Variants in TUB observed in about 807,000 individuals in gnomAD.
TUB encodes tubby protein homolog.
A neutral mutation model predicts 59.7 loss-of-function variants in TUB; 33 were observed. The observed-to-expected ratio is 0.55, with a 90% CI of 0.42 to 0.74. TUB has a LOEUF of 0.74. Among genes scored for constraint, TUB ranks in the 30% least tolerant of loss-of-function variants. The pLI is 0.00. For synonymous variants in TUB, 293 were observed against 256.4 expected (o/e 1.14, Z -1.36); for missense variants, 659 against 672.0 (o/e 0.98, Z 0.21).
chr11:8,054,446 GAGAGAGAGAGAGAGAGAGAGAC>G (rs1386547426), intron 2 of TUB, among the ~76,000 whole-genome samples: 16 of 147,372 alleles, frequency 1.1e-4, no homozygotes, highest in East Asian at 7.9e-4. Context: ...GCAAGGGCTG[GAGAGAGAGAGAGAGAGAGAGAC>G]AGAGAGAGAG....
At position 8,039,045 on chromosome 11, in the gene TUB, C is replaced by T. The variant is rs760350717; in HGVS notation, c.155+17C>T. 5.6e-6 allele frequency: 9 copies of T among 1,610,516 alleles called. No homozygotes were observed. In the South Asian group the frequency reaches 8.8e-5, roughly 16 times the overall value. ...AAGAGATCGGTAAGCTTTCAACATC[C>T]TGCCTTTAGCCCATGGGCCCAACCA... On this transcript the variant is annotated intron_variant, in intron 1 of 12. Transcript: ENST00000305253.
Position 8,096,665 on chromosome 11 carries a change from T to G in TUB, c.566-20T>G. 1 of 1,520,824 alleles carries G rather than the reference T, an allele frequency of 6.6e-7. No individual in the cohort carries two copies. Among genetic ancestry groups the G allele is most frequent in the Non-Finnish European group, 9.1e-7 (1 of 1,094,962 alleles). 94.2% of individuals were successfully genotyped at this position (1,520,824 alleles called of 1,614,324 possible). A position where few individuals can be genotyped will look rare whatever the true frequency, so the allele number is the denominator to read the frequency against. ...TAGACTTCTCCTCCTTCATCCCTTCTTCTTCTCTCCTTGGCCCAGGCATCT... is the reference window on the plus strand; with the variant it reads ...TAGACTTCTCCTCCTTCATCCCTTCGTCTTCTCTCCTTGGCCCAGGCATCT... On this transcript the variant is annotated intron_variant, in intron 5 of 11. Coordinates refer to ENST00000299506, the MANE Select transcript of TUB (RefSeq NM_177972.3).
At chr11:8,039,933 C>A (rs1942719449) in intron 2 of TUB, among the ~76,000 whole-genome samples, 1 of 152,180 alleles carries the variant, frequency 6.6e-6, no homozygotes, top group African/African-American at 2.4e-5. Flanking sequence ...GGTCTTTTTG[C>A]CTTGACTCTA....
intron 1 of TUB, among the ~76,000 whole-genome samples, chr11:8,028,343 A>G (rs1307612670): frequency 2.6e-5 from 4 of 152,128 alleles, no homozygotes; most frequent in African/African-American, 7.2e-5. Flanking sequence ...TCAATATTAA[A>G]TTCTTCTCAG....
At chr11:8,050,544 T>G (rs2133752901) in intron 2 of TUB, among the ~76,000 whole-genome samples, 1 of 152,376 alleles carries the variant, frequency 6.6e-6, no homozygotes, top group Non-Finnish European at 1.5e-5. Flanking sequence ...GTGGTTTTAC[T>G]TTACATTTTC....
chr11:8,039,057 C>T (rs930100216), intron 1 of TUB: 1 of 1,607,994 alleles, frequency 6.2e-7, no homozygotes, highest in South Asian at 1.1e-5. Context: ...GCCTTTAGCC[C>T]ATGGGCCCAA....
chr11:8,022,980 C>G (rs563063490), intron 1 of TUB, among the ~76,000 whole-genome samples: 1 of 152,346 alleles, frequency 6.6e-6, no homozygotes, highest in South Asian at 2.1e-4. Flanking sequence ...GCACAAGATT[C>G]TGTGGATCAG....
At chr11:8,072,251 C>T (rs1375141093) in intron 2 of TUB, among the ~76,000 whole-genome samples, 1 of 152,164 alleles carries the variant, frequency 6.6e-6, no homozygotes, top group Non-Finnish European at 1.5e-5. Context: ...GGAGTCTTCA[C>T]GCGTCGCCTC....
intron 2 of TUB, chr11:8,062,103 G>A (rs1157964470): frequency 6.5e-6 from 1 of 152,734 alleles, no homozygotes; most frequent in African/African-American, 2.4e-5. Flanking sequence ...ATGTGAAGCT[G>A]AAGAGCGTCC....
At chr11:8,059,041 A>G (rs1943072782) in intron 2 of TUB, among the ~76,000 whole-genome samples, 1 of 152,192 alleles carries the variant, frequency 6.6e-6, no homozygotes, top group Non-Finnish European at 1.5e-5. Context: ...CATAGTCCCA[A>G]CATGTCTCCT....
intron 1 of TUB, among the ~76,000 whole-genome samples, chr11:8,084,573 G>T (rs1943631572): frequency 6.6e-6 from 1 of 152,184 alleles, no homozygotes; most frequent in Non-Finnish European, 1.5e-5. Flanking sequence ...CGTCCTCAGT[G>T]CCCTTGTCCT....
Position 8,044,072 on chromosome 11 carries a change from C to T in TUB, c.203+4380C>T, listed in dbSNP as rs552737219. 2.6e-5 allele frequency among the ~76,000 whole-genome samples: 4 copies of T among 152,028 alleles called. No individual in the cohort carries two copies. The South Asian group carries it at 6.2e-4, about 24-fold the overall frequency. Reference sequence around the variant, plus strand: ...TGATGTCTTGGTATAGTTTTCTTCACGTTTCTTCCACTGAATGTCTTTTGA... The same window carrying T: ...TGATGTCTTGGTATAGTTTTCTTCATGTTTCTTCCACTGAATGTCTTTTGA... On this transcript the variant is annotated intron_variant, in intron 2 of 12. Coordinates refer to the TUB transcript ENST00000305253.
intron 2 of TUB, among the ~76,000 whole-genome samples, chr11:8,053,326 A>G (rs933049722): frequency 1.3e-5 from 2 of 152,266 alleles, no homozygotes; most frequent in Middle Eastern, 3.4e-3. Context: ...TATATTTTTA[A>G]TAAGTAAGGC....
chr11:8,079,440 C>A (rs1179735073), upstream of TUB, among the ~76,000 whole-genome samples: 1 of 152,104 alleles, frequency 6.6e-6, no homozygotes, highest in Non-Finnish European at 1.5e-5. Context: ...CCAAGCATCC[C>A]AGCAGGCAAC....
chr11:8,094,344 C>A (rs1203765500), intron 4 of TUB, among the ~76,000 whole-genome samples, 155 bp downstream of exon 4: 1 of 152,142 alleles, frequency 6.6e-6, no homozygotes, highest in Non-Finnish European at 1.5e-5. Flanking sequence ...AGGTGGCTCA[C>A]AGGCCTCATC....
chr11:8,090,375 G>T, intron 3 of TUB, 144 bp downstream of exon 3: 7 of 1,198,506 alleles, frequency 5.8e-6, no homozygotes, highest in Non-Finnish European at 8.1e-6. Flanking sequence ...GCTGAGTAGG[G>T]AGGGCAGAGG....
In TUB at chr11:8,100,870, G is replaced by GA; in HGVS notation, c.1261dup (p.Ser421LysfsTer14). On this transcript the variant is annotated frameshift_variant, in exon 11 of 12. Transcript: ENST00000299506. LOFTEE classifies it high-confidence loss of function. ...CACGCTGGCAGAATAAGAACACGGA[G>GA]AGTATCATCGAGCTGCAAAACAAGA... 6.2e-7 allele frequency: 1 copy of GA among 1,614,166 alleles called. No homozygotes were observed. The highest frequency in any genetic ancestry group is 8.5e-7 in the Non-Finnish European group (1 of 1,180,048).
At position 8,094,336 on chromosome 11, in the gene TUB, G is replaced by A. The variant is rs563475909; in HGVS notation, c.397+147G>A. The A allele has an allele frequency of 8.5e-5, 94 of 1,101,054 alleles. No individual in the cohort carries two copies. In the African/African-American group the frequency reaches 1.4e-3, roughly 16 times the overall value. 68.2% of individuals were successfully genotyped at this position (1,101,054 alleles called of 1,614,324 possible). A position where few individuals can be genotyped will look rare whatever the true frequency, so the allele number is the denominator to read the frequency against. On this transcript the variant is annotated intron_variant, in intron 4 of 11. Transcript: ENST00000299506. ...ACTGCCACTCTGGGCACCCCCTCAG[G>A]TGGCTCACAGGCCTCATCTAGCTTG... is the stretch of plus-strand genomic sequence containing the variant.
At chr11:8,095,441 A>G in intron 4 of TUB, 57 bp from the exon 5 acceptor site, 1 of 1,545,324 alleles carries the variant, frequency 6.5e-7, no homozygotes. Flanking sequence ...ACGTCTGAGA[A>G]TCCAGGCCCT....
Sources: allele counts gnomAD v4.1 joint callset (sites outside exome capture counted in the v4.1 genomes callset), GRCh38; gene constraint gnomAD v4.1.1; transcripts MANE v1.5; gene names NCBI Gene and HGNC (gene_info 2026-07-23, HGNC 2026-07-21).